Variants in TFRC observed in about 807,000 individuals in gnomAD.
TFRC encodes the protein transferrin receptor protein 1.
A neutral mutation model predicts 85.8 loss-of-function variants in TFRC; 35 were observed. The observed-to-expected ratio is 0.41, with a 90% CI of 0.31 to 0.54. TFRC has a LOEUF of 0.54. TFRC is among the 20% of genes least tolerant of loss of function. TFRC has a pLI of 0.31. For synonymous variants in TFRC, 362 were observed against 328.6 expected (o/e 1.10, Z -1.10); for missense variants, 828 against 921.5 (o/e 0.90, Z 1.31).
intron 7 of TFRC, among the ~76,000 whole-genome samples, chr3:196,068,927 CAAAAAAAAAAA>C (rs55642820): frequency 1.2e-5 from 1 of 85,278 alleles, no homozygotes; most frequent in East Asian, 4.5e-4. Context: ...GACTCCGTCT[CAAAAAAAAAAA>C]AAAAAAAGAA....
chr3:196,080,845 C>CG (rs1250669939), intron 1 of TFRC, among the ~76,000 whole-genome samples: 12 of 60,052 alleles, frequency 2.0e-4, no homozygotes, highest in Non-Finnish European at 3.6e-4. Flanking sequence ...GGCCGGGGGG[C>CG]GGGGGGAACC....
At chr3:196,080,426 A>C (rs561624388) in intron 1 of TFRC, among the ~76,000 whole-genome samples, 1 of 152,226 alleles carries the variant, frequency 6.6e-6, no homozygotes, top group East Asian at 1.9e-4. Context: ...TTTAGTAGAG[A>C]CAGGATTTCA....
chr3:196,061,460 CCCCAAGGGTTGCCAAAAAAA>C (rs1229171700), intron 13 of TFRC, among the ~76,000 whole-genome samples: 1 of 151,986 alleles, frequency 6.6e-6, no homozygotes, highest in Non-Finnish European at 1.5e-5. Flanking sequence ...GGTTTTTATT[CCCCAAGGGTTGCCAAAAAAA>C]AAGCCCAGTT....
chr3:196,057,274 A>G (rs982992377), intron 16 of TFRC, among the ~76,000 whole-genome samples: 2 of 152,216 alleles, frequency 1.3e-5, no homozygotes, highest in African/African-American at 2.4e-5. Flanking sequence ...TGTATAGAAA[A>G]GCACTGTGAA....
intron 13 of TFRC, 55 bp downstream of exon 13, chr3:196,062,527 C>T (rs1386665338): frequency 6.6e-7 from 1 of 1,506,710 alleles, no homozygotes; most frequent in East Asian, 2.2e-5. Flanking sequence ...GAGCAAAACT[C>T]CATCTCAAAA....
intron 16 of TFRC, 71 bp downstream of exon 16, chr3:196,058,213 C>G: frequency 7.8e-7 from 1 of 1,286,928 alleles, no homozygotes; most frequent in Non-Finnish European, 1.1e-6. Flanking sequence ...TTGCAATGCC[C>G]TATTCCCAAA....
chr3:196,076,616 A>ATT (rs746885459), intron 2 of TFRC, among the ~76,000 whole-genome samples: 6 of 144,976 alleles, frequency 4.1e-5, no homozygotes, highest in African/African-American at 7.6e-5. Flanking sequence ...CACTCAGCTA[A>ATT]TTTTTTTTTT....
intron 9 of TFRC, 45 bp from the exon 10 acceptor site, chr3:196,065,645 C>A (rs1309199752): frequency 1.3e-6 from 2 of 1,556,564 alleles, no homozygotes; most frequent in East Asian, 2.3e-5. Context: ...TTGTTCCTTG[C>A]CCAGGGTTTA....
At chr3:196,075,016 A>G (rs1483240651) in intron 3 of TFRC, 143 bp downstream of exon 3, 2 of 750,782 alleles carry the variant, frequency 2.7e-6, no homozygotes, top group East Asian at 2.7e-5. Flanking sequence ...ACTGCACTCT[A>G]GCCTAGGCAA....
At chr3:196,080,459 G>C (rs1362146134) in intron 1 of TFRC, among the ~76,000 whole-genome samples, 3 of 152,144 alleles carry the variant, frequency 2.0e-5, no homozygotes, top group Non-Finnish European at 4.4e-5. Flanking sequence ...GACTGGACTC[G>C]AACTCCTGAC....
intron 11 of TFRC, among the ~76,000 whole-genome samples, chr3:196,064,049 A>C (rs1255630842): frequency 4.6e-5 from 7 of 152,228 alleles, no homozygotes. Context: ...ATCACTCTGG[A>C]TCCACCACAC....
rs201903334 is a variant in TFRC, at chr3:196,064,409, C to A, written c.1218G>T (p.Gly406=). ...FVEPDHYVVV[G]AQRDAWGPGA... ...CAGGGCCCCATGCATCTCTCTGGGC[C>A]CCAACTACAACATAGTGATCTTTAA... is the stretch of plus-strand genomic sequence containing the variant. The change falls in exon 11 of 19, where the codon GGG becomes GGT. Residue 406 remains glycine, a synonymous_variant. Transcript: ENST00000360110. 6.2e-7 allele frequency: 1 copy of A among 1,605,670 alleles called. No homozygotes were observed. Among genetic ancestry groups the A allele is most frequent in the Non-Finnish European group, 8.5e-7 (1 of 1,177,738 alleles).
At position 196,053,465 on chromosome 3, in the gene TFRC, T is replaced by G; in HGVS notation, c.1993A>C (p.Lys665Gln). Residue 665 changes from lysine to glutamine, a missense_variant, in exon 18 of 19, where the codon AAA becomes CAA. By Grantham distance (53) the Lys-to-Gln change is moderately conservative. Transcript: ENST00000360110. ...RLTTDFGNAE[K>Q]TDRFVMKKLN... ...TTCTTCATGACAAATCTGTCTGTTTTCTCAGCATTCCCGAAATCTGTTGTT... is the reference window on the plus strand; with the variant it reads ...TTCTTCATGACAAATCTGTCTGTTTGCTCAGCATTCCCGAAATCTGTTGTT... 1 of 1,614,240 alleles carries G rather than the reference T, an allele frequency of 6.2e-7. No homozygotes were observed. The highest frequency in any genetic ancestry group is 8.5e-7 in the Non-Finnish European group (1 of 1,180,044).
intron 16 of TFRC, among the ~76,000 whole-genome samples, chr3:196,057,205 T>A (rs539816): frequency 0.31 from 47,859 of 152,104 alleles, 7,653 homozygotes; most frequent in South Asian, 0.34. Context: ...CGCACCCTGG[T>A]CCTGGTTAAA....
At chr3:196,056,825 A>G (rs542061104) in intron 16 of TFRC, among the ~76,000 whole-genome samples, 10 of 152,144 alleles carry the variant, frequency 6.6e-5, no homozygotes, top group Non-Finnish European at 1.2e-4. Flanking sequence ...TTACATGTGT[A>G]TAACTTTTTT....
intron 13 of TFRC, 191 bp from the exon 14 acceptor site, chr3:196,060,438 A>T: frequency 1.7e-6 from 1 of 572,326 alleles, no homozygotes; most frequent in Admixed American, 3.1e-5. Context: ...AGCTAACTTC[A>T]CTCAAGTGGG....
Position 196,051,909 on chromosome 3 carries a change from C to T in TFRC, c.*33G>A. The stretch of plus-strand genomic sequence containing the variant: ...GCACAAGTCTAGAAACCAGACTACC[C>T]TGCTGTTCTCATGGAAGCTATGGGT... On this transcript the variant is annotated 3_prime_UTR_variant, in exon 19 of 19. Transcript: ENST00000360110. 1 of 1,608,334 alleles carries T rather than the reference C, an allele frequency of 6.2e-7. No homozygotes were observed.
At chr3:196,057,777 T>C (rs41297523) in intron 16 of TFRC, among the ~76,000 whole-genome samples, 10,872 of 140,928 alleles carry the variant, frequency 0.077, 524 homozygotes, top group East Asian at 0.16. Context: ...CAAGTCACCA[T>C]TGTCAAAAAA....
chr3:196,077,707 G>A (rs577362750), intron 1 of TFRC, among the ~76,000 whole-genome samples: 1 of 152,022 alleles, frequency 6.6e-6, no homozygotes, highest in Admixed American at 6.6e-5. Context: ...AGCCAAGATC[G>A]CGCCACTGCA....
Sources: gnomAD v4.1 joint callset for allele counts (sites outside exome capture counted in the v4.1 genomes callset) on GRCh38, gnomAD v4.1.1 for gene constraint, MANE v1.5 for transcripts, NCBI Gene and HGNC (gene_info 2026-07-23, HGNC 2026-07-21) for gene names.